PDK3: variants seen among roughly 807,000 people sequenced by gnomAD.
The protein encoded by PDK3 is pyruvate dehydrogenase kinase, isozyme 3.
A neutral mutation model predicts 32.0 loss-of-function variants in PDK3; 12 were observed. The observed-to-expected ratio is 0.37, with a 90% CI of 0.24 to 0.61. PDK3 has a LOEUF of 0.61. PDK3 is among the 20% of genes least tolerant of loss of function. The pLI is 0.65. For missense variants in PDK3, 188 were observed against 316.9 expected (o/e 0.59, Z 3.09); for synonymous variants, 122 against 116.3 (o/e 1.05, Z -0.31).
At chrX:24,490,441 G>A (rs1921526292) in intron 1 of PDK3, among the ~76,000 whole-genome samples, 1 of 105,223 alleles carries the variant, frequency 9.5e-6, no homozygotes, top group African/African-American at 3.6e-5. Flanking sequence ...CTTTGTCATC[G>A]AACTTCAGCA....
downstream of PDK3, chrX:24,539,167 G>A: frequency 9.0e-7 from 1 of 1,109,961 alleles, no homozygotes; most frequent in Middle Eastern, 2.4e-4. Flanking sequence ...CTTTCTAGAG[G>A]ACTGAATGCT....
At chrX:24,503,204 A>G (rs976144295) in intron 3 of PDK3, 123 bp from the exon 4 acceptor site, 14 of 401,794 alleles carry the variant, frequency 3.5e-5, no homozygotes, top group Admixed American at 1.6e-4. Context: ...TCTATGTAGT[A>G]AGAATAATGT....
At chrX:24,529,783 AAAAG>A (rs1297669168) in intron 9 of PDK3, among the ~76,000 whole-genome samples, 1 of 111,172 alleles carries the variant, frequency 9.0e-6, no homozygotes, top group Non-Finnish European at 1.9e-5. Flanking sequence ...AAAGAAAAGA[AAAAG>A]AAACTGTCCT....
chrX:24,468,604 A>G (rs1250414114), intron 1 of PDK3, among the ~76,000 whole-genome samples: 2 of 112,040 alleles, frequency 1.8e-5, no homozygotes, highest in Non-Finnish European at 3.8e-5. Flanking sequence ...CTGTCATTCT[A>G]AAGCATATCC....
chrX:24,520,124 C>T (rs1275189086), intron 6 of PDK3, among the ~76,000 whole-genome samples: 1 of 111,680 alleles, frequency 9.0e-6, no homozygotes, highest in African/African-American at 3.3e-5. Flanking sequence ...ACCCGGGAGG[C>T]GGAGGTTGCA....
chrX:24,472,675 C>CTTTTTTTTTTTTTTTTTTTTTTTT (rs761538432), intron 1 of PDK3, among the ~76,000 whole-genome samples: 1 of 49,717 alleles, frequency 2.0e-5, no homozygotes, highest in Non-Finnish European at 3.4e-5. Context: ...TTCTTTCTTT[C>CTTTTTTTTTTTTTTTTTTTTTTTT]TTTTTTTTTT....
exon 12 of PDK3, chrX:24,547,332 C>T (rs894590489): frequency 1.2e-4 from 14 of 112,196 alleles, no homozygotes; most frequent in African/African-American, 4.5e-4. Flanking sequence ...CTATAAATCT[C>T]TCAGTGACAT....
intron 6 of PDK3, among the ~76,000 whole-genome samples, chrX:24,523,283 C>T (rs184743058): frequency 1.6e-4 from 18 of 112,607 alleles, no homozygotes; most frequent in Admixed American, 1.5e-3. Context: ...TCACAGGCCC[C>T]ATCTCCTAAT....
chrX:24,503,595 C>T (rs1921915323), intron 4 of PDK3, 84 bp downstream of exon 4: 43 of 708,554 alleles, frequency 6.1e-5, no homozygotes, highest in Non-Finnish European at 8.4e-5. Context: ...AATTTACTGA[C>T]CTGCATTTTT....
intron 5 of PDK3, among the ~76,000 whole-genome samples, chrX:24,512,762 GA>G (rs1256781841): frequency 1.9e-5 from 2 of 105,439 alleles, no homozygotes; most frequent in African/African-American, 6.9e-5. Context: ...GACTCCATCA[GA>G]AAAAAAAAAG....
chrX:24,498,632 C>G (rs1921775281), intron 2 of PDK3, among the ~76,000 whole-genome samples, 197 bp from the exon 3 acceptor site: 1 of 110,829 alleles, frequency 9.0e-6, no homozygotes, highest in Admixed American at 9.6e-5. Context: ...TAGAATTGCC[C>G]AGAGAAAAAT....
intron 2 of PDK3, among the ~76,000 whole-genome samples, chrX:24,497,917 C>T (rs1461887648): frequency 1.8e-5 from 2 of 112,254 alleles, no homozygotes; most frequent in African/African-American, 6.5e-5. Context: ...AGCTGCTGCA[C>T]TAATGGGCCT....
At chrX:24,534,771 A>T (rs1480064097), downstream of PDK3, among the ~76,000 whole-genome samples, 2 of 112,175 alleles carry the variant, frequency 1.8e-5, no homozygotes, top group Admixed American at 9.5e-5. Flanking sequence ...CAACATAGTG[A>T]GACCTCTGTC....
chrX:24,466,366 G>A (rs752289731), intron 1 of PDK3, among the ~76,000 whole-genome samples: 1 of 112,161 alleles, frequency 8.9e-6, no homozygotes, highest in East Asian at 2.8e-4. Flanking sequence ...CCCAGAAAAC[G>A]AAGGAGCTGG....
intron 4 of PDK3, 135 bp from the exon 5 acceptor site, chrX:24,505,074 C>T: frequency 2.5e-6 from 1 of 405,063 alleles, no homozygotes; most frequent in Non-Finnish European, 4.3e-6. Context: ...TTCCATTGCT[C>T]TAAGTTGCTG....
downstream of PDK3, among the ~76,000 whole-genome samples, chrX:24,537,519 A>G (rs1259757848): frequency 1.8e-5 from 2 of 109,725 alleles, no homozygotes; most frequent in Admixed American, 9.8e-5. Context: ...TCCTTGACAG[A>G]CAGAGCTATA....
exon 12 of PDK3, chrX:24,546,476 A>C (rs1235983092): frequency 1.8e-5 from 2 of 112,034 alleles, no homozygotes; most frequent in Non-Finnish European, 3.8e-5. Context: ...TCAAGTCCAC[A>C]GGTTGGTATC....
intron 5 of PDK3, among the ~76,000 whole-genome samples, chrX:24,518,135 T>C (rs1445544624): frequency 8.9e-6 from 1 of 112,080 alleles, no homozygotes; most frequent in South Asian, 3.7e-4. Context: ...GGTATAGAGC[T>C]AGCTGAATTG....
At chrX:24,472,675 C>CTTTTTTTTTTTTT (rs761538432) in intron 1 of PDK3, among the ~76,000 whole-genome samples, 8 of 49,717 alleles carry the variant, frequency 1.6e-4, no homozygotes, top group Admixed American at 2.7e-4. Flanking sequence ...TTCTTTCTTT[C>CTTTTTTTTTTTTT]TTTTTTTTTT....
Sources: allele counts gnomAD v4.1 joint callset (sites outside exome capture counted in the v4.1 genomes callset), GRCh38; gene constraint gnomAD v4.1.1; transcripts MANE v1.5; gene names NCBI Gene and HGNC (gene_info 2026-07-23, HGNC 2026-07-21).